The following ADGRL3 variants were observed in gnomAD, a reference collection of about 807,000 sequenced individuals.
ADGRL3 encodes calcium-independent alpha-latrotoxin receptor 3.
ADGRL3 carries 62 observed loss-of-function variants against 153.5 expected under a neutral mutation model. The observed-to-expected ratio is 0.40, with a 90% CI of 0.33 to 0.50. The LOEUF is 0.50. Ranked by LOEUF, ADGRL3 falls within the 20% of genes least tolerant of loss-of-function variation. The pLI, the probability that ADGRL3 is intolerant of heterozygous loss-of-function variation, is 0.47. For missense variants in ADGRL3, 1,641 were observed against 1,859.4 expected (o/e 0.88, Z 2.16); for synonymous variants, 710 against 672.5 (o/e 1.06, Z -0.86).
chr4:61,608,221 C>A (rs1020070011), intron 5 of ADGRL3, among the ~76,000 whole-genome samples: 2 of 152,204 alleles, frequency 1.3e-5, no homozygotes, highest in Non-Finnish European at 1.5e-5. Context: ...ACTTTTCATA[C>A]TCCCAATCTT....
chr4:61,959,344 G>T (rs115377819), intron 17 of ADGRL3, among the ~76,000 whole-genome samples: 3,752 of 152,046 alleles, frequency 0.025, 159 homozygotes, highest in African/African-American at 0.086. Flanking sequence ...TAATTCTTTG[G>T]AGATAATACA....
In ADGRL3 at chr4:61,947,029, C is replaced by T. The variant is rs761628517; in HGVS notation, c.2535C>T (p.Val845=). The T allele has an allele frequency of 1.1e-5, 18 of 1,613,594 alleles. No individual in the cohort carries two copies. Among genetic ancestry groups the T allele is most frequent in the Non-Finnish European group, 7.6e-6 (9 of 1,179,758 alleles). The part of the protein sequence containing the change: ...EALSTNHSVI[V]NSPVITAAIN... ...TGTCCACAAATCATTCTGTTATTGTCAATTCCCCTGTTATTACGGCAGCAA... is the reference window on the plus strand; with the variant it reads ...TGTCCACAAATCATTCTGTTATTGTTAATTCCCCTGTTATTACGGCAGCAA... Residue 845 remains valine (V), a synonymous_variant, in exon 16 of 27, where the codon GTC becomes GTT. Transcript: ENST00000683033.
At position 61,421,191 on chromosome 4, in the gene ADGRL3, GGGCTTGGT is replaced by G. The variant is rs1326256938; in HGVS notation, c.-174+38006_-174+38013del. Among the ~76,000 whole-genome samples the G allele has an allele frequency of 5.9e-5, 9 of 152,206 alleles. No individual in the cohort carries two copies. In the East Asian group the frequency reaches 1.6e-3, roughly 26 times the overall value. On this transcript the variant is annotated intron_variant, in intron 2 of 26. Transcript: ENST00000683033. ...CTACTAAAAATACAAAAAATTAGCTGGGCTTGGTGGCGGACGCCTGTAGTCCCAGCTAC... is the reference window on the plus strand; with the variant it reads ...CTACTAAAAATACAAAAAATTAGCTGGGCGGACGCCTGTAGTCCCAGCTAC...
At position 61,895,792 on chromosome 4, in the gene ADGRL3, C is replaced by T. The variant is rs369595563; in HGVS notation, c.1845C>T (p.Leu615=). The T allele has an allele frequency of 1.9e-6, 3 of 1,599,714 alleles. No individual in the cohort carries two copies. The highest frequency in any genetic ancestry group is 2.6e-6 in the Non-Finnish European group (3 of 1,172,404). ...TTTGGGATCCCCAAGGTCCAGATCT[C>T]AGCAACTGTTCTTCTCCTTGGGTCA... ...DGIWDPQGPD[L]SNCSSPWVNH... is the part of the protein sequence containing the mutation. The change falls in exon 11 of 27, where the codon CTC becomes CTT. Residue 615 remains leucine (L), a synonymous_variant. Transcript: ENST00000683033.
intron 11 of ADGRL3, among the ~76,000 whole-genome samples, chr4:61,897,076 T>G (rs1423377360): frequency 6.6e-6 from 1 of 152,228 alleles, no homozygotes; most frequent in African/African-American, 2.4e-5. Context: ...TGCTTAATTC[T>G]TTTCTTTTCT....
intron 1 of ADGRL3, among the ~76,000 whole-genome samples, chr4:61,264,681 G>A (rs1342270043): frequency 2.0e-5 from 3 of 151,894 alleles, no homozygotes; most frequent in South Asian, 4.1e-4. Flanking sequence ...TCTATCAAAC[G>A]TGCCCTTTAC....
At chr4:61,291,441 A>T (rs2094194592) in intron 1 of ADGRL3, among the ~76,000 whole-genome samples, 1 of 151,870 alleles carries the variant, frequency 6.6e-6, no homozygotes, top group South Asian at 2.1e-4. Flanking sequence ...ATGTACATGG[A>T]TATATGCAAA....
intron 25 of ADGRL3, among the ~76,000 whole-genome samples, chr4:62,055,755 G>T (rs1452751988): frequency 3.3e-5 from 5 of 151,426 alleles, no homozygotes; most frequent in South Asian, 2.1e-4. Context: ...ACTAATCATT[G>T]TTTGTACTTT....
chr4:61,492,454 C>G lies in ADGRL3; in HGVS notation c.-173-4667C>G, dbSNP rs558684528. 4.6e-5 allele frequency among the ~76,000 whole-genome samples: 7 copies of G among 152,212 alleles called. No individual in the cohort carries two copies. In the South Asian group the frequency reaches 1.4e-3, roughly 32 times the overall value. On this transcript the variant is annotated intron_variant, in intron 2 of 26. Coordinates refer to ENST00000683033, the MANE Select transcript of ADGRL3 (RefSeq NM_001387552.1). Reference sequence around the variant, plus strand: ...AAATGTGATTTAAGAGTAGCTAACACATTCCCAGGATAAGCAGTTTTGAGA... The same window carrying G: ...AAATGTGATTTAAGAGTAGCTAACAGATTCCCAGGATAAGCAGTTTTGAGA...
intron 2 of ADGRL3, among the ~76,000 whole-genome samples, chr4:61,438,716 T>G (rs1423421180): frequency 1.3e-5 from 2 of 150,406 alleles, no homozygotes; most frequent in African/African-American, 4.9e-5. Flanking sequence ...CTTTCTTTTT[T>G]TTTTTTTTTT....
chr4:61,532,539 C>T (rs1435844813), intron 4 of ADGRL3, among the ~76,000 whole-genome samples: 2 of 48,838 alleles, frequency 4.1e-5, no homozygotes, highest in Non-Finnish European at 8.8e-5. Flanking sequence ...CATGCGCGCG[C>T]GCGCGCGCGC....
At chr4:61,783,600 G>A (rs2097241240) in intron 8 of ADGRL3, among the ~76,000 whole-genome samples, 1 of 152,004 alleles carries the variant, frequency 6.6e-6, no homozygotes, top group Non-Finnish European at 1.5e-5. Context: ...TCAACATTTG[G>A]TGAATATTTA....
chr4:61,241,763 A>T (rs758642131), intron 1 of ADGRL3, among the ~76,000 whole-genome samples: 3 of 152,014 alleles, frequency 2.0e-5, no homozygotes, highest in Non-Finnish European at 4.4e-5. Flanking sequence ...ACTGACTCTT[A>T]TTATAGTTTG....
intron 4 of ADGRL3, among the ~76,000 whole-genome samples, chr4:61,534,327 G>A (rs1051616925): frequency 2.0e-5 from 3 of 152,028 alleles, no homozygotes; most frequent in Non-Finnish European, 4.4e-5. Flanking sequence ...CCAACATCAT[G>A]CTATTTTGAT....
intron 1 of ADGRL3, among the ~76,000 whole-genome samples, chr4:61,327,074 T>C (rs1191230292): frequency 1.3e-5 from 2 of 152,022 alleles, no homozygotes; most frequent in African/African-American, 4.8e-5. Flanking sequence ...AACCAAACTA[T>C]ATATTTCACT....
At chr4:61,559,293 T>C (rs2098783942) in intron 4 of ADGRL3, among the ~76,000 whole-genome samples, 1 of 152,124 alleles carries the variant, frequency 6.6e-6, no homozygotes, top group South Asian at 2.1e-4. Context: ...AAACAAAATC[T>C]GCTTGTAGAG....
chr4:61,966,065 A>G (rs1024612192), intron 17 of ADGRL3, among the ~76,000 whole-genome samples: 2 of 152,214 alleles, frequency 1.3e-5, no homozygotes, highest in African/African-American at 2.4e-5. Flanking sequence ...TATTCATGAG[A>G]ATGTAAAAAA....
At chr4:61,424,309 A>G (rs1007802614) in intron 2 of ADGRL3, among the ~76,000 whole-genome samples, 2 of 151,592 alleles carry the variant, frequency 1.3e-5, no homozygotes, top group African/African-American at 4.9e-5. Context: ...ACCTTGGCCT[A>G]CTCTTGACTG....
Position 61,331,708 on chromosome 4 carries a change from A to G in ADGRL3, c.-239-51416A>G, listed in dbSNP as rs1000402721. ...CTATAGAATTTTGGATTTAAAGAAT[A>G]CACATTTTAAGACTAACCCTAGCTG... On this transcript the variant is annotated intron_variant, in intron 1 of 26. Transcript: ENST00000683033. 3.3e-5 allele frequency among the ~76,000 whole-genome samples: 5 copies of G among 152,272 alleles called. No individual in the cohort carries two copies. The East Asian group carries it at 9.6e-4, about 29-fold the overall frequency.
Sources: allele counts gnomAD v4.1 joint callset (sites outside exome capture counted in the v4.1 genomes callset), GRCh38; gene constraint gnomAD v4.1.1; transcripts MANE v1.5; gene names NCBI Gene and HGNC (gene_info 2026-07-23, HGNC 2026-07-21).